Variants in DLG3 observed in about 807,000 individuals in gnomAD.
The protein encoded by DLG3 is disks large homolog 3.
A neutral mutation model predicts 64.1 loss-of-function variants in DLG3; 1 was observed. That is an observed-to-expected ratio of 0.02 (90% CI 0.01 to 0.07). The LOEUF is 0.07. DLG3 is among the 10% of genes least tolerant of loss of function. The pLI is 1.00. For synonymous variants in DLG3, 245 were observed against 259.8 expected, an observed-to-expected ratio of 0.94 and a Z score of 0.55; for missense variants, 429 against 669.5, an observed-to-expected ratio of 0.64 and a Z score of 3.96.
At position 70,450,462 on chromosome X, in the gene DLG3, A is replaced by T. The variant is rs10127192; in HGVS notation, c.840+157A>T. 0.013 allele frequency: 11,613 copies of T among 922,798 alleles called. 858 individuals are homozygous for T. The African/African-American group carries it at 0.2, about 16-fold the overall frequency. The allele number at this position is 922,798 out of a possible 1,213,427, so 76.0% of individuals were successfully genotyped here. On this transcript the variant is annotated intron_variant, in intron 5 of 18. Transcript: ENST00000374360. ...TGTTTGCCCAGATACAAAGGCCCTAATTCTTTCTGTGGCCAGGGTCTTGCC... is the reference window on the plus strand; with the variant it reads ...TGTTTGCCCAGATACAAAGGCCCTATTTCTTTCTGTGGCCAGGGTCTTGCC...
chrX:70,477,604 G>T (rs1006847429), intron 9 of DLG3, among the ~76,000 whole-genome samples: 2 of 110,808 alleles, frequency 1.8e-5, no homozygotes, highest in African/African-American at 6.6e-5. Context: ...TCTACCCTCC[G>T]CCACCCCACC....
chrX:70,480,323 T>C (rs1433857242), intron 10 of DLG3, among the ~76,000 whole-genome samples: 1 of 111,916 alleles, frequency 8.9e-6, no homozygotes, highest in Non-Finnish European at 1.9e-5. Context: ...TCAACGCTAA[T>C]TGCAGTTTTT....
In DLG3 at chrX:70,497,275, A is replaced by G. The variant is rs185854680; in HGVS notation, c.1820-1245A>G. 37 of 1,119,811 alleles carry G rather than the reference A, an allele frequency of 3.3e-5. No homozygotes were observed. In the African/African-American group the frequency reaches 5.2e-4, roughly 16 times the overall value. The allele number at this position is 1,119,811 out of a possible 1,213,427, so 92.3% of individuals were successfully genotyped here. A position where few individuals can be genotyped will look rare whatever the true frequency, so the allele number is the denominator to read the frequency against. On this transcript the variant is annotated intron_variant, in intron 13 of 18. Coordinates refer to ENST00000374360, the MANE Select transcript of DLG3 (RefSeq NM_021120.4). ...TGTAGCTCCACTGTGTATCCCAGCC[A>G]TCCTCATTCCAGTGTTGCACAGCTG...
intron 7 of DLG3, 136 bp downstream of exon 7, chrX:70,452,162 G>A: frequency 9.3e-7 from 1 of 1,080,375 alleles, no homozygotes; most frequent in South Asian, 2.2e-5. Context: ...CGGCTTTGGG[G>A]TCCGAGGCCC....
intron 10 of DLG3, among the ~76,000 whole-genome samples, chrX:70,490,148 C>T (rs1381729191): frequency 1.8e-5 from 2 of 112,243 alleles, no homozygotes; most frequent in Admixed American, 1.9e-4. Context: ...CAGACGTGAG[C>T]CACCGCGCCC....
chrX:70,446,749 A>C (rs2086572538), intron 1 of DLG3, among the ~76,000 whole-genome samples: 1 of 112,728 alleles, frequency 8.9e-6, no homozygotes, highest in Non-Finnish European at 1.9e-5. Context: ...CCTGGCACGC[A>C]AGGCGGAGGG....
chrX:70,445,583 G>A (rs1016750596), intron 1 of DLG3, 25 bp downstream of exon 1: 3 of 1,157,254 alleles, frequency 2.6e-6, no homozygotes, highest in Non-Finnish European at 2.3e-6. Flanking sequence ...AGGGGGGAGC[G>A]GTGGGGCAAC....
At chrX:70,450,926 G>C in intron 6 of DLG3, 143 bp downstream of exon 6, 1 of 794,119 alleles carries the variant, frequency 1.3e-6, no homozygotes, top group South Asian at 2.4e-5. Context: ...GTTTATCTGA[G>C]GCGCCATTAT....
chrX:70,495,550 G>A, intron 13 of DLG3, 97 bp downstream of exon 13: 1 of 839,040 alleles, frequency 1.2e-6, no homozygotes, highest in Non-Finnish European at 1.8e-6. Context: ...GAAGGGTGAG[G>A]GGAGGGCAGT....
chrX:70,500,136 T>A (rs1401999967), intron 16 of DLG3, 87 bp downstream of exon 16: 7 of 865,045 alleles, frequency 8.1e-6, no homozygotes, highest in Non-Finnish European at 1.2e-5. Flanking sequence ...ACACAGGAGC[T>A]GCCCAACAGT....
At chrX:70,450,057 G>C in intron 4 of DLG3, 112 bp from the exon 5 acceptor site, 1 of 1,058,026 alleles carries the variant, frequency 9.5e-7, no homozygotes, top group African/African-American at 1.8e-5. Context: ...CCCCCGGGGG[G>C]AGCTCCTGTG....
chrX:70,456,751 C>CTTTT lies in DLG3; in HGVS notation c.1405+2444_1405+2447dup, dbSNP rs71909380. 2.9e-5 allele frequency among the ~76,000 whole-genome samples: 3 copies of CTTTT among 103,885 alleles called. No individual in the cohort carries two copies. The East Asian group carries it at 9.0e-4, about 31-fold the overall frequency. 90.2% of individuals were successfully genotyped at this position (103,885 alleles called of 115,157 possible). A position where few individuals can be genotyped will look rare whatever the true frequency, so the allele number is the denominator to read the frequency against. On this transcript the variant is annotated intron_variant, in intron 9 of 18. Transcript: ENST00000374360. ...CCAGCAAGTCCCCAACATGCAAAAGCTTTTTTTTTTTTCCCCTTTTGAAAA... is the reference window on the plus strand; with the variant it reads ...CCAGCAAGTCCCCAACATGCAAAAGCTTTTTTTTTTTTTTTTCCCCTTTTGAAAA...
chrX:70,452,689 C>G, intron 7 of DLG3: 1 of 1,202,817 alleles, frequency 8.3e-7, no homozygotes. Context: ...TCCGCTTCGG[C>G]CTGGAGGAGG....
chrX:70,463,638 A>G (rs181081957), intron 9 of DLG3, among the ~76,000 whole-genome samples: 1 of 111,699 alleles, frequency 9.0e-6, no homozygotes, highest in Admixed American at 9.6e-5. Context: ...GAGAATGTAT[A>G]TATGTATGAA....
At chrX:70,464,190 T>TTTTCCTTTCC (rs10562768) in intron 9 of DLG3, among the ~76,000 whole-genome samples, 37 of 97,232 alleles carry the variant, frequency 3.8e-4, no homozygotes, top group South Asian at 1.5e-3. Context: ...CCTTTTTTCT[T>TTTTCCTTTCC]TTTCCTTTCC....
At chrX:70,492,442 A>T in intron 11 of DLG3, 79 bp from the exon 12 acceptor site, 1 of 1,129,475 alleles carries the variant, frequency 8.9e-7, no homozygotes, top group Non-Finnish European at 1.2e-6. Context: ...AGCCAAAAAA[A>T]TGGCTGCTGT....
In DLG3 at chrX:70,496,724, C is replaced by T. The variant is rs1048609219; in HGVS notation, c.1819+1271C>T. 2.5e-4 allele frequency among the ~76,000 whole-genome samples: 28 copies of T among 112,476 alleles called. No homozygotes were observed. The Admixed American group carries it at 2.6e-3, about 11-fold the overall frequency. On this transcript the variant is annotated intron_variant, in intron 13 of 18. Transcript: ENST00000374360. ...TCTGCTTAACCCATCCAGCGTTTGG[C>T]CTCTTAGTTGTGGAGTGCCACATGG...
chrX:70,495,310 C>T, intron 12 of DLG3, 98 bp from the exon 13 acceptor site: 1 of 838,028 alleles, frequency 1.2e-6, no homozygotes, highest in Non-Finnish European at 1.8e-6. Context: ...TTCTCTTCTC[C>T]CCAAATCTCT....
intron 9 of DLG3, among the ~76,000 whole-genome samples, chrX:70,466,245 ATT>A (rs1321946200): frequency 3.4e-5 from 2 of 58,095 alleles, no homozygotes; most frequent in South Asian, 1.1e-3. Flanking sequence ...TTTCTTGGTC[ATT>A]TGTGTGTGTG....
Sources: allele counts gnomAD v4.1 joint callset (sites outside exome capture counted in the v4.1 genomes callset), GRCh38; gene constraint gnomAD v4.1.1; transcripts MANE v1.5; gene names NCBI Gene and HGNC (gene_info 2026-07-23, HGNC 2026-07-21).